LPIN1: variants seen among roughly 807,000 people sequenced by gnomAD.
LPIN1 encodes the protein lipin 1, also known as phosphatidate phosphatase LPIN1.
Under a neutral mutation model 107.5 loss-of-function variants are expected in LPIN1, and 71 were observed. The ratio of observed to expected loss-of-function variants is 0.66; its 90% confidence interval spans 0.55 to 0.80. The LOEUF is 0.80. Ranked by LOEUF, LPIN1 falls within the 30% of genes least tolerant of loss-of-function variation. The pLI, the probability that LPIN1 is intolerant of heterozygous loss-of-function variation, is 0.00. For missense variants in LPIN1, 1,043 were observed against 1,160.6 expected (o/e 0.90, Z 1.47); for synonymous variants, 445 against 452.6 (o/e 0.98, Z 0.21).
At chr2:11,759,940 G>A (rs1367970410) in intron 1 of LPIN1, among the ~76,000 whole-genome samples, 5 of 115,692 alleles carry the variant, frequency 4.3e-5, no homozygotes, top group Non-Finnish European at 7.7e-5. Flanking sequence ...GCTGCCGGGC[G>A]GAGGGGCTCC....
chr2:11,780,516 A>T (rs1296405813), intron 7 of LPIN1, among the ~76,000 whole-genome samples: 1 of 152,218 alleles, frequency 6.6e-6, no homozygotes, highest in Non-Finnish European at 1.5e-5. Flanking sequence ...TAAGGTTTTG[A>T]TTCATCAAGT....
upstream of LPIN1, chr2:11,723,656 G>GA (rs1391748339): frequency 1.3e-4 from 20 of 150,464 alleles, no homozygotes; most frequent in Middle Eastern, 3.4e-3. Context: ...GACTCCCTCT[G>GA]AAAAAAAAAG....
chr2:11,760,591 G>A (rs1392331098), intron 1 of LPIN1, among the ~76,000 whole-genome samples: 1 of 152,190 alleles, frequency 6.6e-6, no homozygotes, highest in Non-Finnish European at 1.5e-5. Context: ...TGAGGCAGGA[G>A]AATCAGGCAG....
At chr2:11,722,541 C>T (rs111887336), upstream of LPIN1, 9 of 152,284 alleles carry the variant, frequency 5.9e-5, no homozygotes, top group African/African-American at 2.2e-4. Flanking sequence ...GAAATGAATT[C>T]CTTTGTTTCA....
In LPIN1 at chr2:11,746,655, A is replaced by C. The variant is rs564382112; in HGVS notation, c.-26A>C. 2.0e-6 allele frequency: 2 copies of C among 985,192 alleles called. No homozygotes were observed. Among genetic ancestry groups the C allele is most frequent in the East Asian group, 1.1e-4 (1 of 8,792 alleles). 61.0% of individuals were successfully genotyped at this position (985,192 alleles called of 1,614,324 possible). A position where few individuals can be genotyped will look rare whatever the true frequency, so the allele number is the denominator to read the frequency against. On this transcript the variant is annotated 5_prime_UTR_variant, in exon 1 of 21. Coordinates refer to ENST00000674199, the MANE Select transcript of LPIN1 (RefSeq NM_001349206.2). ...GGGTGTTTGCAATACAAAGGCGGCC[A>C]CGCGCGGCGCCGCTCGGTGAGTAGC...
upstream of LPIN1, among the ~76,000 whole-genome samples, chr2:11,719,572 G>C (rs1348252053): frequency 6.6e-6 from 1 of 152,186 alleles, no homozygotes. Context: ...TCTTTACATT[G>C]CTGTGAGTTT....
chr2:11,740,722 A>AAAAG (rs141242630), intron 1 of LPIN1, among the ~76,000 whole-genome samples: 3,977 of 148,428 alleles, frequency 0.027, 199 homozygotes, highest in African/African-American at 0.092. Flanking sequence ...GAAAGAAAAG[A>AAAAG]AAAGAAAGAA....
At position 11,765,935 on chromosome 2, in the gene LPIN1, A is replaced by G. The variant is rs1012420355; in HGVS notation, c.192+202A>G. Among the ~76,000 whole-genome samples, 2 of 152,184 alleles carry G rather than the reference A, an allele frequency of 1.3e-5. No individual in the cohort carries two copies. Among genetic ancestry groups the G allele is most frequent in the African/African-American group, 4.8e-5 (2 of 41,440 alleles). ...AAATTAAAGTGCCGTGGCACACACC[A>G]CTGTTTATTAAGCTCCTGTATCTGT... On this transcript the variant is annotated intron_variant, in intron 2 of 20. Transcript: ENST00000674199. The surrounding 1 kb of genome is among the most constrained non-coding windows in gnomAD (Gnocchi z 4.4).
At chr2:11,764,237 C>G (rs1288685325) in intron 1 of LPIN1, 1 of 152,026 alleles carries the variant, frequency 6.6e-6, no homozygotes, top group Admixed American at 6.6e-5. Context: ...GCCTCCACCT[C>G]CTGGGTTCAA....
In LPIN1 at chr2:11,735,116, AC is replaced by A. The variant is rs377608580; in HGVS notation, c.-71-6229del. 3.9e-3 allele frequency among the ~76,000 whole-genome samples: 598 copies of A among 152,154 alleles called. 5 individuals are homozygous for A. Among genetic ancestry groups the A allele is most frequent in the African/African-American group, 0.014 (581 of 41,496 alleles). The stretch of plus-strand genomic sequence containing the variant: ...AGACCAACCTGGCCAACACGGTGAA[AC>A]CCCGTCTCTACTAAAAATACAAAAA... On this transcript the variant is annotated intron_variant, in intron 1 of 21. Coordinates refer to the LPIN1 transcript ENST00000396097.
At chr2:11,756,280 A>G (rs1668673814) in intron 1 of LPIN1, among the ~76,000 whole-genome samples, 1 of 152,260 alleles carries the variant, frequency 6.6e-6, no homozygotes, top group Non-Finnish European at 1.5e-5. Flanking sequence ...TAGAAAGGGA[A>G]TTAAAATCAT....
chr2:11,704,515 G>A (rs1487216160), intron 1 of LPIN1, among the ~76,000 whole-genome samples: 2 of 152,088 alleles, frequency 1.3e-5, no homozygotes, highest in Non-Finnish European at 1.5e-5. Flanking sequence ...TTCTATTCTG[G>A]GACTTAAATT....
chr2:11,808,436 A>G (rs1230762698), intron 17 of LPIN1, among the ~76,000 whole-genome samples: 2 of 152,200 alleles, frequency 1.3e-5, no homozygotes, highest in African/African-American at 4.8e-5. Context: ...TGATTTCTAG[A>G]GAAACAGAGA....
rs750849832 is a variant in LPIN1 at position 11,795,495 on chromosome 2, A to G, written c.1886+8A>G. On this transcript the variant is annotated splice_region_variant and intron_variant, in intron 14 of 20. Coordinates refer to ENST00000674199, the MANE Select transcript of LPIN1 (RefSeq NM_001349206.2). ...GCTCAGCTTGGCCACCAGGTGCGGT[A>G]GGAGGCTTCTTGGGATGTTTGCAGC... The G allele has an allele frequency of 3.0e-5, 48 of 1,613,552 alleles. No homozygotes were observed. The highest frequency in any genetic ancestry group is 4.0e-5 in the Non-Finnish European group (47 of 1,179,650).
chr2:11,803,089 C>T lies in LPIN1; in HGVS notation c.2013+56C>T. 1 of 1,608,032 alleles carries T rather than the reference C, an allele frequency of 6.2e-7. No individual in the cohort carries two copies. Among genetic ancestry groups the T allele is most frequent in the Non-Finnish European group, 8.5e-7 (1 of 1,178,568 alleles). On this transcript the variant is annotated intron_variant, in intron 15 of 20. Coordinates refer to ENST00000674199, the MANE Select transcript of LPIN1 (RefSeq NM_001349206.2). This position sits in a 1 kb window ranked among gnomAD's most constrained non-coding sequence, Gnocchi z 4.2. ...TGTGAGCACATGAGGTTTCTGCAGA[C>T]TCCTAAGGCTGTGTGATGGTTGGGA...
At chr2:11,677,828 G>T in intron 1 of LPIN1, 1 of 1,032,882 alleles carries the variant, frequency 9.7e-7, no homozygotes, top group Non-Finnish European at 1.4e-6. Context: ...GAACATTTGC[G>T]CCCAGAGCGC....
chr2:11,708,375 C>T (rs1212888619), intron 1 of LPIN1, among the ~76,000 whole-genome samples: 2 of 152,010 alleles, frequency 1.3e-5, no homozygotes, highest in African/African-American at 2.4e-5. Flanking sequence ...ACTCCAAGGA[C>T]AGATTTGGGT....
intron 1 of LPIN1, among the ~76,000 whole-genome samples, chr2:11,760,086 G>A (rs1322407982): frequency 7.0e-3 from 964 of 137,604 alleles, no homozygotes; most frequent in African/African-American, 0.024. Context: ...CAGACGGGGC[G>A]GCGGGGCAGA....
intron 17 of LPIN1, among the ~76,000 whole-genome samples, chr2:11,812,335 G>C (rs987243327): frequency 5.3e-5 from 8 of 152,174 alleles, no homozygotes; most frequent in Admixed American, 5.2e-4. Flanking sequence ...AGATACAGTC[G>C]AATGAAGGAC....
Sources: allele counts gnomAD v4.1 joint callset (sites outside exome capture counted in the v4.1 genomes callset), GRCh38; gene constraint gnomAD v4.1.1; non-coding constraint Gnocchi (gnomAD v3.1); transcripts MANE v1.5; gene names NCBI Gene and HGNC (gene_info 2026-07-23, HGNC 2026-07-21).